GRIP2: variants seen among roughly 807,000 people sequenced by gnomAD.
The protein encoded by GRIP2 is glutamate receptor interacting protein 2.
In GRIP2, 58 loss-of-function variants were observed where a neutral mutation model predicts 108.3. The observed-to-expected ratio is 0.54, with a 90% CI of 0.43 to 0.67. The LOEUF is 0.67. Ranked by LOEUF, GRIP2 falls within the 30% of genes least tolerant of loss-of-function variation. The pLI is 0.00. For missense variants in GRIP2, 1,278 were observed against 1,430.6 expected, an observed-to-expected ratio of 0.89 and a Z score of 1.72; for synonymous variants, 586 against 598.2, an observed-to-expected ratio of 0.98 and a Z score of 0.30.
At chr3:14,540,803 C>T (rs563040749), upstream of GRIP2, among the ~76,000 whole-genome samples, 26 of 152,288 alleles carry the variant, frequency 1.7e-4, no homozygotes, top group African/African-American at 4.3e-4. The surrounding 1 kb of genome is among the most constrained non-coding windows in gnomAD (Gnocchi z 4.1). Context: ...AATGCCAGGG[C>T]GTCTCTGTAG....
upstream of GRIP2, among the ~76,000 whole-genome samples, chr3:14,547,063 T>C (rs1695069469): frequency 6.6e-6 from 1 of 152,032 alleles, no homozygotes; most frequent in African/African-American, 2.4e-5. Flanking sequence ...AGGGGACAGG[T>C]AACGTGGTGA....
At chr3:14,520,568 G>A (rs767838290) in intron 7 of GRIP2, 31 bp from the exon 8 acceptor site, 5 of 1,612,198 alleles carry the variant, frequency 3.1e-6, no homozygotes. Context: ...AGTTTGAAAT[G>A]CAAATACCGA....
chr3:14,558,735 C>T (rs1695272060), upstream of GRIP2, among the ~76,000 whole-genome samples: 1 of 152,118 alleles, frequency 6.6e-6, no homozygotes, highest in Admixed American at 6.5e-5. Flanking sequence ...AGCTCTGGGT[C>T]TCTGTCCCCT....
the GRIP2 span, among the ~76,000 whole-genome samples, chr3:14,579,608 A>C: frequency 3.3e-5 from 5 of 151,826 alleles, no homozygotes; most frequent in South Asian, 1.0e-3. Flanking sequence ...TTCTACTGAG[A>C]GTCTCCCACC....
chr3:14,552,695 C>T (rs56050523), intron 1 of GRIP2, among the ~76,000 whole-genome samples: 5,547 of 150,618 alleles, frequency 0.037, 314 homozygotes, highest in African/African-American at 0.13. Context: ...CAGGTTCAAG[C>T]GATTCTCTTG....
At chr3:14,589,323 G>T in the GRIP2 span, among the ~76,000 whole-genome samples, 2 of 152,212 alleles carry the variant, frequency 1.3e-5, no homozygotes, top group South Asian at 4.1e-4. Context: ...AAGGGGGAAA[G>T]ATGTATTCAC....
upstream of GRIP2, among the ~76,000 whole-genome samples, chr3:14,557,099 G>A (rs1375297949): frequency 2.0e-5 from 3 of 152,206 alleles, no homozygotes; most frequent in East Asian, 5.8e-4. Flanking sequence ...TGAGAAAGTC[G>A]GAGGGTTCCC....
chr3:14,489,544 G>T lies in GRIP2; in HGVS notation c.*4121C>A, dbSNP rs752511400. The T allele has an allele frequency of 6.6e-6, 1 of 152,312 alleles. No individual in the cohort carries two copies. The highest frequency in any genetic ancestry group is 2.1e-4 in the South Asian group (1 of 4,824). 9.4% of individuals were successfully genotyped at this position (152,312 alleles called of 1,614,324 possible). On this transcript the variant is annotated 3_prime_UTR_variant, in exon 24 of 24. Coordinates refer to ENST00000621039, the MANE Select transcript of GRIP2 (RefSeq NM_001080423.4). ...AGGGGTACACAGCAAGTCCATGAAA[G>T]AACCTGGATTCGCACCCGGGCCCAT...
chr3:14,513,870 G>C (rs1013220251), intron 12 of GRIP2, 60 bp from the exon 13 acceptor site: 7 of 1,581,006 alleles, frequency 4.4e-6, no homozygotes, highest in Middle Eastern at 2.2e-4. Flanking sequence ...TGGGAGACAA[G>C]AACGCCATGC....
At chr3:14,585,202 T>G in the GRIP2 span, among the ~76,000 whole-genome samples, 1 of 152,202 alleles carries the variant, frequency 6.6e-6, no homozygotes, top group African/African-American at 2.4e-5. Flanking sequence ...TTTGTATTTT[T>G]GGTAGAGATG....
chr3:14,554,751 C>A (rs1695207836), intron 1 of GRIP2, among the ~76,000 whole-genome samples: 1 of 152,046 alleles, frequency 6.6e-6, no homozygotes, highest in Non-Finnish European at 1.5e-5. Context: ...GAGACAGCCT[C>A]AGTGAGTCAG....
chr3:14,510,257 TG>T (rs367543766), intron 16 of GRIP2, among the ~76,000 whole-genome samples: 20,571 of 122,594 alleles, frequency 0.17, 1,550 homozygotes, highest in South Asian at 0.29. Flanking sequence ...GATCATCCGT[TG>T]TTTTTTTTTT....
At chr3:14,558,334 C>T (rs1278317051), upstream of GRIP2, among the ~76,000 whole-genome samples, 1 of 152,160 alleles carries the variant, frequency 6.6e-6, no homozygotes, top group Non-Finnish European at 1.5e-5. Context: ...GGCCGAGCCC[C>T]GCCTGGCTGG....
At chr3:14,565,334 G>C in the GRIP2 span, among the ~76,000 whole-genome samples, 1 of 152,162 alleles carries the variant, frequency 6.6e-6, no homozygotes, top group Admixed American at 6.5e-5. Flanking sequence ...GCAGAGTCAG[G>C]GCTTGAACTC....
chr3:14,561,310 C>T, the GRIP2 span, among the ~76,000 whole-genome samples: 3 of 152,240 alleles, frequency 2.0e-5, no homozygotes, highest in Non-Finnish European at 4.4e-5. Context: ...AGGCCCCAGC[C>T]AGTGTGCACT....
At chr3:14,545,950 AGACAGACAGACG>A (rs1695051621), upstream of GRIP2, among the ~76,000 whole-genome samples, 1 of 152,242 alleles carries the variant, frequency 6.6e-6, no homozygotes, top group Non-Finnish European at 1.5e-5. Flanking sequence ...CCAGCAAGAA[AGACAGACAGACG>A]GACAGACAGA....
At chr3:14,575,101 C>A in the GRIP2 span, among the ~76,000 whole-genome samples, 1 of 152,030 alleles carries the variant, frequency 6.6e-6, no homozygotes, top group Non-Finnish European at 1.5e-5. Context: ...GTGGGGGGAT[C>A]TTCTAAGGGG....
At chr3:14,506,325 C>T (rs1175012558) in intron 19 of GRIP2, among the ~76,000 whole-genome samples, 1 of 152,228 alleles carries the variant, frequency 6.6e-6, no homozygotes, top group Non-Finnish European at 1.5e-5. Flanking sequence ...CGTCTCCCTG[C>T]GGCCACCTCC....
At chr3:14,578,455 G>A in the GRIP2 span, among the ~76,000 whole-genome samples, 1 of 152,200 alleles carries the variant, frequency 6.6e-6, no homozygotes, top group African/African-American at 2.4e-5. Flanking sequence ...CATGGCCCAC[G>A]TCTGTAATCC....
Sources: allele counts gnomAD v4.1 joint callset (sites outside exome capture counted in the v4.1 genomes callset), GRCh38; gene constraint gnomAD v4.1.1; non-coding constraint Gnocchi (gnomAD v3.1); transcripts MANE v1.5; gene names NCBI Gene and HGNC (gene_info 2026-07-23, HGNC 2026-07-21).